Variants in SEMA3A observed in about 807,000 individuals in gnomAD.
SEMA3A encodes the protein semaphorin 3A.
In SEMA3A, 29 loss-of-function variants were observed where a neutral mutation model predicts 97.9. The ratio of observed to expected loss-of-function variants is 0.30; its 90% CI spans 0.22 to 0.40. The LOEUF (loss-of-function observed/expected upper bound fraction) is 0.40. SEMA3A is among the 10% of genes least tolerant of loss of function. The pLI is 1.00. For missense variants in SEMA3A, 763 were observed against 951.3 expected (o/e 0.80, Z 2.60); for synonymous variants, 321 against 323.7 (o/e 0.99, Z 0.09).
chr7:84,343,953 A>C (rs1187203185), intron 2 of SEMA3A, among the ~76,000 whole-genome samples: 4 of 151,972 alleles, frequency 2.6e-5, no homozygotes, highest in African/African-American at 4.8e-5. Flanking sequence ...CTTTGCAGTG[A>C]GCTATTATCA....
chr7:84,276,257 C>T (rs1386142174), intron 3 of SEMA3A, among the ~76,000 whole-genome samples: 1 of 152,080 alleles, frequency 6.6e-6, no homozygotes, highest in Non-Finnish European at 1.5e-5. Flanking sequence ...AACAAAGTCT[C>T]ATTGAACATA....
chr7:84,474,754 T>C (rs1240284475), intron 1 of SEMA3A, among the ~76,000 whole-genome samples: 1 of 152,094 alleles, frequency 6.6e-6, no homozygotes, highest in Non-Finnish European at 1.5e-5. Flanking sequence ...CTGATGATCC[T>C]AACACCCTTG....
At chr7:84,085,310 G>A (rs1225986877) in intron 4 of SEMA3A, among the ~76,000 whole-genome samples, 1 of 151,844 alleles carries the variant, frequency 6.6e-6, no homozygotes, top group Non-Finnish European at 1.5e-5. Flanking sequence ...ATGAGTGGGG[G>A]TGTCATAGGA....
Position 84,413,594 on chromosome 7 carries a change from C to T in SEMA3A, c.-245-41694G>A, listed in dbSNP as rs376371153. Among the ~76,000 whole-genome samples, 147 of 152,128 alleles carry T rather than the reference C, an allele frequency of 9.7e-4. 1 individual carries two copies. The highest frequency in any genetic ancestry group is 2.6e-3 in the African/African-American group (106 of 41,502). On this transcript the variant is annotated intron_variant, in intron 1 of 3. Transcript: ENST00000424555. The stretch of plus-strand genomic sequence containing the variant: ...GGTGAGCTGTGATCATGCCATTGCA[C>T]GCTAGCCTGGGTGACAGGGTGTCAG...
At chr7:84,026,584 T>C (rs552488224) in intron 6 of SEMA3A, among the ~76,000 whole-genome samples, 8 of 152,060 alleles carry the variant, frequency 5.3e-5, no homozygotes, top group Non-Finnish European at 1.2e-4. Flanking sequence ...AGCAAAGACA[T>C]GGAATCAACC....
intron 1 of SEMA3A, among the ~76,000 whole-genome samples, chr7:84,492,035 A>G (rs1806747283): frequency 6.6e-6 from 1 of 152,176 alleles, no homozygotes; most frequent in Admixed American, 6.6e-5. Flanking sequence ...TATGAAGAGT[A>G]ACGTAGCAGT....
upstream of SEMA3A, among the ~76,000 whole-genome samples, chr7:84,199,822 A>T (rs80086954): frequency 0.057 from 8,733 of 152,190 alleles, 274 homozygotes; most frequent in Non-Finnish European, 0.071. Context: ...TTGATGTATT[A>T]TTCATTCTAG....
At chr7:83,971,964 G>A (rs186889976) in intron 15 of SEMA3A, among the ~76,000 whole-genome samples, 120 of 151,950 alleles carry the variant, frequency 7.9e-4, no homozygotes, top group African/African-American at 2.5e-3. Flanking sequence ...TCCTGAAGAT[G>A]TGAACTTAAA....
intron 14 of SEMA3A, among the ~76,000 whole-genome samples, chr7:83,978,193 A>G (rs1323961942): frequency 1.3e-5 from 2 of 152,198 alleles, no homozygotes; most frequent in South Asian, 2.1e-4. Context: ...TAAAAGCAAC[A>G]ATAAATGTTG....
intron 3 of SEMA3A, among the ~76,000 whole-genome samples, chr7:84,268,435 T>G (rs890752669): frequency 1.3e-5 from 2 of 152,024 alleles, no homozygotes; most frequent in African/African-American, 4.8e-5. Context: ...AGAGTAAAGT[T>G]CACTTGGGCC....
chr7:84,448,497 T>C (rs1431830792), intron 1 of SEMA3A, among the ~76,000 whole-genome samples: 5 of 152,064 alleles, frequency 3.3e-5, no homozygotes, highest in African/African-American at 1.2e-4. Flanking sequence ...TTCTATACAC[T>C]AACAGTGACT....
chr7:84,465,290 G>C (rs1805960820), intron 1 of SEMA3A, among the ~76,000 whole-genome samples: 1 of 152,086 alleles, frequency 6.6e-6, no homozygotes, highest in Non-Finnish European at 1.5e-5. Flanking sequence ...TATTGGCAAA[G>C]ATCCTCATTC....
rs552310193 is a variant in SEMA3A, at chr7:83,973,130, T to C, written c.1717+4002A>G. Among the ~76,000 whole-genome samples the C allele has an allele frequency of 8.5e-5, 13 of 152,250 alleles. No individual in the cohort carries two copies. In the South Asian group the frequency reaches 2.7e-3, roughly 32 times the overall value. ...CCTACTGATATGATACCTCTTTAAATTAAAGTCTCTGTCCGAAATTTGGGT... is the reference window on the plus strand; with the variant it reads ...CCTACTGATATGATACCTCTTTAAACTAAAGTCTCTGTCCGAAATTTGGGT... On this transcript the variant is annotated intron_variant, in intron 15 of 16. Transcript: ENST00000265362.
intron 1 of SEMA3A, among the ~76,000 whole-genome samples, chr7:84,157,424 C>T (rs150649102): frequency 4.0e-5 from 6 of 151,846 alleles, no homozygotes; most frequent in Admixed American, 1.3e-4. Flanking sequence ...AGAATTCACA[C>T]GCACGGTTTT....
chr7:84,282,092 C>T (rs532733626), intron 3 of SEMA3A, among the ~76,000 whole-genome samples: 8 of 152,240 alleles, frequency 5.3e-5, no homozygotes, highest in African/African-American at 1.4e-4. Context: ...GTTGCACTGA[C>T]AAAGATGATG....
intron 12 of SEMA3A, among the ~76,000 whole-genome samples, chr7:83,988,574 T>G (rs1008916708): frequency 6.6e-6 from 1 of 152,150 alleles, no homozygotes; most frequent in Non-Finnish European, 1.5e-5. Context: ...CAGGATTTTC[T>G]TAACAAATTT....
chr7:84,471,229 A>C (rs1044939530), intron 1 of SEMA3A, among the ~76,000 whole-genome samples: 1 of 151,410 alleles, frequency 6.6e-6, no homozygotes, highest in African/African-American at 2.4e-5. Flanking sequence ...AGGTAAACTG[A>C]TATAAACTAT....
intron 4 of SEMA3A, among the ~76,000 whole-genome samples, chr7:84,089,526 T>C (rs1345630779): frequency 6.6e-6 from 1 of 152,148 alleles, no homozygotes; most frequent in Non-Finnish European, 1.5e-5. Flanking sequence ...TATAAGTCTG[T>C]AGCCTTCAGT....
intron 1 of SEMA3A, among the ~76,000 whole-genome samples, chr7:84,396,363 T>G (rs1419039038): frequency 6.6e-6 from 1 of 151,666 alleles, no homozygotes; most frequent in East Asian, 1.9e-4. Context: ...AGTACTATAA[T>G]AGTAACTATA....
Sources: allele counts gnomAD v4.1 joint callset (sites outside exome capture counted in the v4.1 genomes callset), GRCh38; gene constraint gnomAD v4.1.1; transcripts MANE v1.5; gene names NCBI Gene and HGNC (gene_info 2026-07-23, HGNC 2026-07-21).